The following OPN5 variants were observed in gnomAD, a reference collection of about 807,000 sequenced individuals.
OPN5 encodes opsin-5.
A neutral mutation model predicts 41.7 loss-of-function variants in OPN5; 18 were observed. The ratio of observed to expected loss-of-function variants is 0.43; its 90% CI spans 0.30 to 0.64. The LOEUF (loss-of-function observed/expected upper bound fraction) is 0.64. Among genes scored for constraint, OPN5 ranks in the 30% least tolerant of loss-of-function variants. The pLI is 0.13. For missense variants in OPN5, 318 were observed against 434.5 expected (o/e 0.73, Z 2.38); for synonymous variants, 178 against 164.3 (o/e 1.08, Z -0.64).
At chr6:47,795,629 T>G in intron 4 of OPN5, 66 bp downstream of exon 4, 2 of 1,118,058 alleles carry the variant, frequency 1.8e-6, no homozygotes, top group South Asian at 2.8e-5. Flanking sequence ...GTACAAAGGA[T>G]AGGGAACGTT....
intron 4 of OPN5, among the ~76,000 whole-genome samples, chr6:47,798,509 C>CAT (rs902935705): frequency 2.4e-4 from 37 of 151,210 alleles, no homozygotes; most frequent in African/African-American, 3.1e-4. Context: ...TGTAGGAATA[C>CAT]ATATATATAT....
chr6:47,808,499 G>T, intron 5 of OPN5, 104 bp downstream of exon 5: 1 of 1,251,950 alleles, frequency 8.0e-7, no homozygotes, highest in Non-Finnish European at 1.1e-6. Context: ...AAAGCTCATC[G>T]CCTAGGAGTA....
chr6:47,786,955 G>A, intron 2 of OPN5: 1 of 493,868 alleles, frequency 2.0e-6, no homozygotes, highest in Non-Finnish European at 2.7e-6. Flanking sequence ...AAATCAGGAG[G>A]CAAATCCCAG....
chr6:47,817,280 G>A (rs1762458480), intron 6 of OPN5, among the ~76,000 whole-genome samples: 1 of 152,088 alleles, frequency 6.6e-6, no homozygotes, highest in African/African-American at 2.4e-5. Context: ...AGTTTGCTGA[G>A]TTGGGAGCAC....
At chr6:47,787,765 G>T (rs1416194709) in intron 2 of OPN5, among the ~76,000 whole-genome samples, 1 of 152,088 alleles carries the variant, frequency 6.6e-6, no homozygotes, top group East Asian at 1.9e-4. Context: ...TGAAGTCTGG[G>T]TATTGGGTAA....
chr6:47,782,837 A>G (rs1773119288), intron 1 of OPN5, among the ~76,000 whole-genome samples: 2 of 152,198 alleles, frequency 1.3e-5, no homozygotes, highest in African/African-American at 4.8e-5. Context: ...GCATGATCTC[A>G]TTCATTCAGT....
chr6:47,793,938 G>C (rs973604161), intron 3 of OPN5, among the ~76,000 whole-genome samples: 1 of 152,066 alleles, frequency 6.6e-6, no homozygotes, highest in Non-Finnish European at 1.5e-5. Flanking sequence ...CCCCTATCTG[G>C]TTGGGCATGA....
At chr6:47,793,328 A>C (rs767492927) in intron 3 of OPN5, among the ~76,000 whole-genome samples, 3 of 152,164 alleles carry the variant, frequency 2.0e-5, no homozygotes, top group Non-Finnish European at 4.4e-5. Context: ...TGCAGGTCAT[A>C]ACTCCATATG....
In OPN5 at chr6:47,795,284, T is replaced by G; in HGVS notation, c.477T>G (p.Tyr159Ter). The G allele has an allele frequency of 6.2e-7, 1 of 1,613,516 alleles. No homozygotes were observed. The highest frequency in any genetic ancestry group is 8.5e-7 in the Non-Finnish European group (1 of 1,179,558). Reference sequence around the variant, plus strand: ...TCTGCCTGGCAGCCATCTGGGCCTATGCTTCCTTCTGGACCACCATGCCCT... The same window carrying G: ...TCTGCCTGGCAGCCATCTGGGCCTAGGCTTCCTTCTGGACCACCATGCCCT... The change falls in exon 4 of 7, where the codon TAT becomes TAG. Residue 159 changes from tyrosine (Y) to a stop codon, truncating the protein, a stop_gained. Coordinates refer to ENST00000371211, the Ensembl canonical transcript of OPN5. LOFTEE classifies it high-confidence loss of function.
chr6:47,787,124 A>T lies in OPN5; in HGVS notation c.250+490A>T, dbSNP rs183472380. ...AGAGGAAAGAGGTGCCCTGCTGATG[A>T]TATATGTAATCATGACTTAGTGACA... is the stretch of plus-strand genomic sequence containing the variant. On this transcript the variant is annotated intron_variant, in intron 2 of 6. Transcript: ENST00000371211. 3 of 981,696 alleles carry T rather than the reference A, an allele frequency of 3.1e-6. No homozygotes were observed. In the African/African-American group the frequency reaches 5.2e-5, roughly 17 times the overall value. The allele number at this position is 981,696 out of a possible 1,614,324, so 60.8% of individuals were successfully genotyped here.
At chr6:47,794,764 C>G (rs1773490085) in intron 3 of OPN5, 1 of 158,468 alleles carries the variant, frequency 6.3e-6, no homozygotes, top group Non-Finnish European at 1.4e-5. Flanking sequence ...CACCAAGCCC[C>G]TTCCACAAGT....
chr6:47,805,829 G>A (rs1271305038), intron 4 of OPN5, among the ~76,000 whole-genome samples: 1 of 152,098 alleles, frequency 6.6e-6, no homozygotes, highest in Non-Finnish European at 1.5e-5. Context: ...CCTGATGTTG[G>A]GAATTGTTAT....
exon 3 of OPN5, chr6:47,791,815 G>T: frequency 1.9e-6 from 3 of 1,613,952 alleles, no homozygotes; most frequent in Non-Finnish European, 2.5e-6. Context: ...TAGGCAAGCC[G>T]TTCACCATCA....
intron 6 of OPN5, among the ~76,000 whole-genome samples, chr6:47,821,398 G>A (rs990460709): frequency 4.6e-5 from 7 of 152,176 alleles, no homozygotes; most frequent in African/African-American, 1.4e-4. Flanking sequence ...ATGGAAGTTG[G>A]TCAGAAAAAA....
chr6:47,821,792 G>A (rs900256771), intron 6 of OPN5, among the ~76,000 whole-genome samples: 1 of 152,078 alleles, frequency 6.6e-6, no homozygotes. Flanking sequence ...GACTGTCTGT[G>A]GAATAGTTGC....
intron 4 of OPN5, among the ~76,000 whole-genome samples, chr6:47,806,429 A>G (rs9463361): frequency 0.13 from 20,526 of 152,150 alleles, 1,478 homozygotes; most frequent in Middle Eastern, 0.16. Context: ...CTAACCAAGC[A>G]TGCTAAGAGT....
At chr6:47,799,430 A>T (rs1012259103) in intron 4 of OPN5, among the ~76,000 whole-genome samples, 4 of 152,136 alleles carry the variant, frequency 2.6e-5, no homozygotes, top group Non-Finnish European at 5.9e-5. Flanking sequence ...TCACAATGCC[A>T]GTGCTAATGG....
chr6:47,786,948 T>C (rs1773212041), intron 2 of OPN5: 3 of 446,650 alleles, frequency 6.7e-6, no homozygotes, highest in Non-Finnish European at 9.4e-6. Flanking sequence ...AAATCAGAAA[T>C]CAGGAGGCAA....
intron 4 of OPN5, among the ~76,000 whole-genome samples, chr6:47,799,151 T>G (rs1773674788): frequency 6.6e-6 from 1 of 151,786 alleles, no homozygotes; most frequent in Admixed American, 6.6e-5. Context: ...TTGCTAGACT[T>G]TTGTAGCAGC....
Sources: allele counts gnomAD v4.1 joint callset (sites outside exome capture counted in the v4.1 genomes callset), GRCh38; gene constraint gnomAD v4.1.1; transcripts MANE v1.5; gene names NCBI Gene and HGNC (gene_info 2026-07-23, HGNC 2026-07-21).